ITGA9: variants seen among roughly 807,000 people sequenced by gnomAD.
ITGA9 encodes the protein integrin alpha-9.
A neutral mutation model predicts 127.8 loss-of-function variants in ITGA9; 56 were observed. The observed-to-expected ratio is 0.44, with a 90% confidence interval of 0.35 to 0.55. The LOEUF is 0.55. Ranked by LOEUF, ITGA9 falls within the 20% of genes least tolerant of loss-of-function variation. The pLI, the probability that ITGA9 is intolerant of heterozygous loss-of-function variation, is 0.00. For synonymous variants in ITGA9, 508 were observed against 514.5 expected (o/e 0.99, Z 0.17); for missense variants, 1,196 against 1,347.1 (o/e 0.89, Z 1.76).
chr3:37,695,273 TGGA>T (rs1700873035), intron 18 of ITGA9, among the ~76,000 whole-genome samples: 1 of 152,150 alleles, frequency 6.6e-6, no homozygotes, highest in Non-Finnish European at 1.5e-5. Context: ...TTCTGGCTCT[TGGA>T]GCCAAACGAA....
At chr3:37,662,369 C>G (rs563950100) in intron 17 of ITGA9, among the ~76,000 whole-genome samples, 1 of 151,272 alleles carries the variant, frequency 6.6e-6, no homozygotes, top group African/African-American at 2.4e-5. Context: ...CACCACTGCA[C>G]TCCAGCCTGG....
chr3:37,508,416 T>C, intron 7 of ITGA9, 143 bp from the exon 8 acceptor site: 1 of 682,020 alleles, frequency 1.5e-6, no homozygotes, highest in Non-Finnish European at 2.5e-6. Context: ...ACAGCTGACT[T>C]CTTCATGATC....
intron 26 of ITGA9, among the ~76,000 whole-genome samples, chr3:37,801,416 C>CTA (rs1188501875): frequency 6.6e-6 from 1 of 152,148 alleles, no homozygotes; most frequent in Non-Finnish European, 1.5e-5. Context: ...ATTCAGCGAG[C>CTA]TATACACTTA....
Position 37,471,046 on chromosome 3 carries a change from C to T in ITGA9, c.225C>T (p.Ser75=), listed in dbSNP as rs759068499. The T allele has an allele frequency of 1.2e-6, 2 of 1,613,970 alleles. No homozygotes were observed. The highest frequency in any genetic ancestry group is 2.7e-5 in the African/African-American group (2 of 74,892). The change falls in exon 2 of 28, where the codon AGC becomes AGT. Residue 75 remains serine (S), a synonymous_variant. Transcript: ENST00000264741. ...CACCAAAGGCAGATTCCAAATACAG[C>T]CCTTCAGTGAAGTCTCCTGGGGCTG... The part of the protein sequence containing the change: ...VGAPKADSKY[S]PSVKSPGAVF...
chr3:37,573,009 C>T (rs1285239457), intron 15 of ITGA9: 1 of 152,174 alleles, frequency 6.6e-6, no homozygotes. Context: ...TAAACTGTCC[C>T]ATTTAATCCC....
intron 18 of ITGA9, among the ~76,000 whole-genome samples, chr3:37,691,365 G>A (rs1217326944): frequency 6.6e-6 from 1 of 152,086 alleles, no homozygotes; most frequent in African/African-American, 2.4e-5. Flanking sequence ...GGGTGAGGCA[G>A]GTGTGGTATG....
intron 3 of ITGA9, 97 bp downstream of exon 3, chr3:37,473,557 T>A: frequency 1.1e-5 from 9 of 802,334 alleles, no homozygotes; most frequent in Non-Finnish European, 1.6e-5. Flanking sequence ...AGTGCATGGC[T>A]TTGAGGTTGC....
chr3:37,672,307 G>A (rs1189331429), intron 17 of ITGA9, among the ~76,000 whole-genome samples: 1 of 152,084 alleles, frequency 6.6e-6, no homozygotes, highest in African/African-American at 2.4e-5. Context: ...CATGGGGGCG[G>A]GTCTTTCCTG....
chr3:37,548,907 G>C (rs569241966), intron 15 of ITGA9, among the ~76,000 whole-genome samples: 9 of 152,234 alleles, frequency 5.9e-5, no homozygotes, highest in Non-Finnish European at 1.3e-4. Context: ...TGTTTGGTAA[G>C]GGGTGCTGGA....
rs74528609 is a variant in ITGA9, at chr3:37,468,868, C to T, written c.186-2139C>T. Among the ~76,000 whole-genome samples the T allele has an allele frequency of 1.9e-3, 286 of 152,308 alleles. 1 individual carries two copies. Among genetic ancestry groups the T allele is most frequent in the African/African-American group, 6.2e-3 (258 of 41,568 alleles). On this transcript the variant is annotated intron_variant, in intron 1 of 27. Transcript: ENST00000264741. Reference sequence around the variant, plus strand: ...CTAGGCTGCTGGAGATAAGGAACAACGCCTGTTCTCACTAAGAAGTGGCTT... The same window carrying T: ...CTAGGCTGCTGGAGATAAGGAACAATGCCTGTTCTCACTAAGAAGTGGCTT...
Position 37,704,330 on chromosome 3 carries a change from G to A in ITGA9, c.2067+20315G>A, listed in dbSNP as rs148920331. Among the ~76,000 whole-genome samples, 15 of 152,228 alleles carry A rather than the reference G, an allele frequency of 9.9e-5. No individual in the cohort carries two copies. The East Asian group carries it at 1.4e-3, about 14-fold the overall frequency. On this transcript the variant is annotated intron_variant, in intron 18 of 27. Transcript: ENST00000264741. ...GAATGAGCTTTCCTGAGGTGCCCGC[G>A]TGTCTCCACTCCAGGTCCTGGAAAG...
At chr3:37,575,263 C>G (rs1309798170) in intron 15 of ITGA9, among the ~76,000 whole-genome samples, 2 of 152,116 alleles carry the variant, frequency 1.3e-5, no homozygotes, top group African/African-American at 4.8e-5. Flanking sequence ...CAGAGTGCCG[C>G]AAGGAGGAGG....
chr3:37,489,904 G>T (rs1359972746), intron 4 of ITGA9, among the ~76,000 whole-genome samples: 1 of 152,166 alleles, frequency 6.6e-6, no homozygotes, highest in Non-Finnish European at 1.5e-5. Context: ...ATGGAGTAAT[G>T]GTGAGAGCAC....
intron 18 of ITGA9, among the ~76,000 whole-genome samples, chr3:37,696,912 C>T (rs546001761): frequency 6.6e-6 from 1 of 152,158 alleles, no homozygotes; most frequent in East Asian, 1.9e-4. Context: ...AATCTCAGGC[C>T]GCAGCCCTCC....
intron 22 of ITGA9, among the ~76,000 whole-genome samples, chr3:37,749,885 C>G (rs1217212177): frequency 6.6e-6 from 1 of 152,134 alleles, no homozygotes; most frequent in Non-Finnish European, 1.5e-5. Flanking sequence ...TCAGTTACCT[C>G]AAACTGGCAA....
At chr3:37,511,599 A>G (rs1698905582) in intron 8 of ITGA9, among the ~76,000 whole-genome samples, 1 of 152,118 alleles carries the variant, frequency 6.6e-6, no homozygotes, top group South Asian at 2.1e-4. Context: ...TCTTTTACCA[A>G]AGCTCAGATG....
chr3:37,510,057 T>A (rs1698885960), intron 8 of ITGA9, among the ~76,000 whole-genome samples: 1 of 144,342 alleles, frequency 6.9e-6, no homozygotes, highest in Admixed American at 7.3e-5. Context: ...AGAGTCTCAC[T>A]ATGGCATGAT....
At chr3:37,762,873 T>C (rs1208434885) in intron 23 of ITGA9, among the ~76,000 whole-genome samples, 2 of 152,194 alleles carry the variant, frequency 1.3e-5, no homozygotes, top group Non-Finnish European at 2.9e-5. Context: ...GCCTGCTGAG[T>C]CAGAGCCTTC....
intron 7 of ITGA9, among the ~76,000 whole-genome samples, chr3:37,506,664 C>G (rs1422971943): frequency 6.6e-6 from 1 of 152,188 alleles, no homozygotes; most frequent in East Asian, 1.9e-4. Flanking sequence ...GCCTGAATTC[C>G]TTTGGGAAAC....
Sources: gnomAD v4.1 joint callset for allele counts (sites outside exome capture counted in the v4.1 genomes callset) on GRCh38, gnomAD v4.1.1 for gene constraint, MANE v1.5 for transcripts, NCBI Gene and HGNC (gene_info 2026-07-23, HGNC 2026-07-21) for gene names.